Variants in IGSF21 observed in about 807,000 individuals in gnomAD.
IGSF21 encodes immunoglobin superfamily member 21, also known as immunoglobulin superfamily member 21.
Under a neutral mutation model 46.8 loss-of-function variants are expected in IGSF21, and 28 were observed. The observed-to-expected ratio is 0.60, with a 90% CI of 0.44 to 0.82. IGSF21 has a LOEUF of 0.82. Among genes scored for constraint, IGSF21 ranks in the 40% least tolerant of loss-of-function variants. IGSF21 has a pLI of 0.00. For missense variants in IGSF21, 624 were observed against 665.5 expected (o/e 0.94, Z 0.69); for synonymous variants, 284 against 273.6 (o/e 1.04, Z -0.38).
chr1:18,223,697 C>T (rs2084534340), intron 1 of IGSF21, among the ~76,000 whole-genome samples: 1 of 152,194 alleles, frequency 6.6e-6, no homozygotes, highest in Non-Finnish European at 1.5e-5. Context: ...TGCAAACAGA[C>T]AATTGCACTC....
At chr1:18,187,463 G>A (rs1308895106) in intron 1 of IGSF21, among the ~76,000 whole-genome samples, 3 of 152,156 alleles carry the variant, frequency 2.0e-5, no homozygotes, top group Admixed American at 2.0e-4. Flanking sequence ...TTCTTACATG[G>A]CGACAGCAGC....
chr1:18,366,045 G>C (rs1350233451), intron 6 of IGSF21, among the ~76,000 whole-genome samples: 1 of 151,750 alleles, frequency 6.6e-6, no homozygotes, highest in East Asian at 2.0e-4. Flanking sequence ...AGGTCTTCTG[G>C]AAGGGTCAGA....
chr1:18,282,382 T>C (rs905663861), intron 2 of IGSF21, among the ~76,000 whole-genome samples: 1 of 152,144 alleles, frequency 6.6e-6, no homozygotes, highest in African/African-American at 2.4e-5. Context: ...GTCTGGCATC[T>C]ATCTGAGGCC....
chr1:18,170,692 C>T (rs976646170), intron 1 of IGSF21, among the ~76,000 whole-genome samples: 13 of 152,124 alleles, frequency 8.5e-5, no homozygotes, highest in Non-Finnish European at 1.5e-4. Flanking sequence ...GGGATTTGAA[C>T]GTACACTGCC....
At chr1:18,168,933 C>A (rs2086707314) in intron 1 of IGSF21, among the ~76,000 whole-genome samples, 1 of 152,142 alleles carries the variant, frequency 6.6e-6, no homozygotes. Context: ...GTGGACAGCC[C>A]CGAGGGGCCC....
At chr1:18,132,911 A>G (rs12119524) in intron 1 of IGSF21, among the ~76,000 whole-genome samples, 91,556 of 140,560 alleles carry the variant, frequency 0.65, 30,526 homozygotes, top group South Asian at 0.8. Context: ...GAGCAGGTGG[A>G]GGGAGTGGGG....
intron 2 of IGSF21, among the ~76,000 whole-genome samples, chr1:18,284,915 G>A (rs2085198047): frequency 6.7e-6 from 1 of 149,652 alleles, no homozygotes; most frequent in African/African-American, 2.4e-5. Context: ...TCGGCTGCCT[G>A]GACACAGAGA....
intron 6 of IGSF21, among the ~76,000 whole-genome samples, chr1:18,373,097 T>C (rs973115193): frequency 6.6e-6 from 1 of 152,176 alleles, no homozygotes. Context: ...CAGTCTTATC[T>C]CCCTCCTCCA....
chr1:18,315,886 T>A (rs2085538390), intron 3 of IGSF21, among the ~76,000 whole-genome samples: 1 of 149,778 alleles, frequency 6.7e-6, no homozygotes, highest in African/African-American at 2.5e-5. Context: ...AGTGAGTGGA[T>A]GGATGGATGG....
chr1:18,234,087 C>T (rs923808889), intron 2 of IGSF21, among the ~76,000 whole-genome samples: 1 of 152,192 alleles, frequency 6.6e-6, no homozygotes, highest in African/African-American at 2.4e-5. Flanking sequence ...GAGGATGGGT[C>T]TAGACAACCC....
intron 1 of IGSF21, among the ~76,000 whole-genome samples, chr1:18,194,056 C>A (rs1304235707): frequency 6.6e-6 from 1 of 152,070 alleles, no homozygotes; most frequent in Non-Finnish European, 1.5e-5. Context: ...TTTCCTAAGT[C>A]CCCAGAGAGT....
intron 1 of IGSF21, chr1:18,167,766 G>C (rs2086693598): frequency 6.6e-6 from 1 of 152,192 alleles, no homozygotes; most frequent in Non-Finnish European, 1.5e-5. Flanking sequence ...CACTCCTGCT[G>C]TACAGGGGAG....
chr1:18,359,382 G>GAAAGAAAGA (rs2086064790), intron 4 of IGSF21, among the ~76,000 whole-genome samples: 1 of 95,896 alleles, frequency 1.0e-5, no homozygotes, highest in Non-Finnish European at 2.1e-5. Flanking sequence ...AAGAAAGAAA[G>GAAAGAAAGA]AAAGGAAGGA....
intron 1 of IGSF21, among the ~76,000 whole-genome samples, chr1:18,227,202 G>A (rs144829873): frequency 3.0e-4 from 46 of 152,264 alleles, no homozygotes; most frequent in Middle Eastern, 3.4e-3. Flanking sequence ...CCTTTAGGTG[G>A]CAAAGTATGT....
At chr1:18,157,999 C>T (rs980201971) in intron 1 of IGSF21, among the ~76,000 whole-genome samples, 1 of 152,170 alleles carries the variant, frequency 6.6e-6, no homozygotes, top group Non-Finnish European at 1.5e-5. Context: ...GCATCTCCTC[C>T]ATTACACTAG....
intron 1 of IGSF21, among the ~76,000 whole-genome samples, chr1:18,211,325 G>A (rs1387714779): frequency 6.6e-6 from 1 of 152,228 alleles, no homozygotes; most frequent in African/African-American, 2.4e-5. Flanking sequence ...TTGTTCTTCA[G>A]TGGGAAAACC....
chr1:18,241,601 T>C (rs1163646568), intron 2 of IGSF21, among the ~76,000 whole-genome samples: 1 of 152,216 alleles, frequency 6.6e-6, no homozygotes, highest in Non-Finnish European at 1.5e-5. Context: ...CCCTGAGCGA[T>C]GGGCAGTATG....
intron 1 of IGSF21, among the ~76,000 whole-genome samples, chr1:18,214,230 G>A (rs777482361): frequency 1.3e-5 from 2 of 152,174 alleles, no homozygotes; most frequent in Non-Finnish European, 2.9e-5. Context: ...TTAGAGAGGG[G>A]GAATATTTCA....
intron 1 of IGSF21, among the ~76,000 whole-genome samples, chr1:18,166,374 G>A (rs1180876166): frequency 6.6e-6 from 1 of 152,266 alleles, no homozygotes; most frequent in South Asian, 2.1e-4. Context: ...CCAGAGGAAA[G>A]GGTGTGATGG....
Sources: allele counts gnomAD v4.1 joint callset (sites outside exome capture counted in the v4.1 genomes callset), GRCh38; gene constraint gnomAD v4.1.1; transcripts MANE v1.5; gene names NCBI Gene and HGNC (gene_info 2026-07-23, HGNC 2026-07-21).